RYR3: variants seen among roughly 807,000 people sequenced by gnomAD.
The protein encoded by RYR3 is brain ryanodine receptor-calcium release channel.
A neutral mutation model predicts 584.3 loss-of-function variants in RYR3; 207 were observed. That is an observed-to-expected ratio of 0.35 (90% CI 0.32 to 0.40). The LOEUF is 0.40. RYR3 is among the 10% of genes least tolerant of loss of function. RYR3 has a pLI of 1.00. For missense variants in RYR3, 5,616 were observed against 6,089.2 expected, an observed-to-expected ratio of 0.92 and a Z score of 2.59; for synonymous variants, 2,416 against 2,248.5, an observed-to-expected ratio of 1.07 and a Z score of -2.11.
At chr15:33,398,992 C>T (rs2042464533) in intron 1 of RYR3, among the ~76,000 whole-genome samples, 2 of 152,162 alleles carry the variant, frequency 1.3e-5, no homozygotes, top group African/African-American at 4.8e-5. Flanking sequence ...TTTCCTCAAA[C>T]TGTACCATTA....
intron 16 of RYR3, among the ~76,000 whole-genome samples, chr15:33,593,326 A>G (rs1233113163): frequency 1.3e-5 from 2 of 152,196 alleles, no homozygotes; most frequent in African/African-American, 2.4e-5. Flanking sequence ...CTCAAGTTTC[A>G]TCTGATCTCT....
At chr15:33,396,794 G>A (rs1421961877) in intron 1 of RYR3, among the ~76,000 whole-genome samples, 3 of 152,094 alleles carry the variant, frequency 2.0e-5, no homozygotes, top group African/African-American at 7.2e-5. Context: ...CCAGGTCTAG[G>A]GAGATTTTTA....
intron 1 of RYR3, among the ~76,000 whole-genome samples, chr15:33,417,892 A>G (rs1397152433): frequency 6.6e-6 from 1 of 152,002 alleles, no homozygotes; most frequent in African/African-American, 2.4e-5. Flanking sequence ...TTTTATCATG[A>G]TGTTGGATTT....
intron 3 of RYR3, among the ~76,000 whole-genome samples, chr15:33,526,904 GAATTCTCTCAT>G (rs2054437191): frequency 6.6e-6 from 1 of 152,196 alleles, no homozygotes; most frequent in Non-Finnish European, 1.5e-5. Flanking sequence ...GACCAGAGAA[GAATTCTCTCAT>G]AAGATGTTTG....
At chr15:33,392,730 T>C (rs1339032146) in intron 1 of RYR3, among the ~76,000 whole-genome samples, 1 of 152,148 alleles carries the variant, frequency 6.6e-6, no homozygotes, top group East Asian at 1.9e-4. Context: ...GATCCGACAC[T>C]ACTGGAATGG....
intron 1 of RYR3, among the ~76,000 whole-genome samples, chr15:33,466,018 G>T (rs1596266272): frequency 6.6e-6 from 1 of 152,264 alleles, no homozygotes; most frequent in East Asian, 1.9e-4. Context: ...ATCTGATTTT[G>T]GATATAGTAA....
intron 38 of RYR3, among the ~76,000 whole-genome samples, chr15:33,674,886 T>C (rs1204760570): frequency 7.2e-6 from 1 of 138,568 alleles, no homozygotes; most frequent in Non-Finnish European, 1.6e-5. Context: ...GGCTGAATTA[T>C]AAAAAGAATA....
intron 2 of RYR3, among the ~76,000 whole-genome samples, chr15:33,494,787 T>C (rs1011869492): frequency 6.6e-6 from 1 of 152,254 alleles, no homozygotes; most frequent in African/African-American, 2.4e-5. Flanking sequence ...TCTATAGTTT[T>C]CTTCAGAAGA....
chr15:33,545,414 G>C lies in RYR3; in HGVS notation c.740+1699G>C, dbSNP rs114951641. Among the ~76,000 whole-genome samples, 462 of 152,164 alleles carry C rather than the reference G, an allele frequency of 3.0e-3. 1 individual carries two copies. Among genetic ancestry groups the C allele is most frequent in the African/African-American group, 0.011 (451 of 41,516 alleles). ...TTTTCACAATAGGCACACTGGAGCAGACATGCATGCCATCATTTAAATAAA... is the reference window on the plus strand; with the variant it reads ...TTTTCACAATAGGCACACTGGAGCACACATGCATGCCATCATTTAAATAAA... On this transcript the variant is annotated intron_variant, in intron 8 of 103. Transcript: ENST00000634891.
intron 43 of RYR3, among the ~76,000 whole-genome samples, chr15:33,708,361 A>G (rs1308553626): frequency 6.6e-6 from 1 of 152,184 alleles, no homozygotes; most frequent in Non-Finnish European, 1.5e-5. Context: ...AGTCAAGATC[A>G]AGAGCTTTTT....
intron 1 of RYR3, among the ~76,000 whole-genome samples, chr15:33,452,687 C>CA (rs1360732851): frequency 7.0e-6 from 1 of 141,944 alleles, no homozygotes; most frequent in East Asian, 2.1e-4. Flanking sequence ...ATTTCACAGC[C>CA]AAAAAAATTG....
chr15:33,655,598 A>C (rs182136495), intron 32 of RYR3, among the ~76,000 whole-genome samples: 1 of 151,936 alleles, frequency 6.6e-6, no homozygotes, highest in African/African-American at 2.4e-5. Context: ...CTGGTACCCT[A>C]CCTCCTGGAG....
At chr15:33,418,498 T>C (rs2043990803) in intron 1 of RYR3, among the ~76,000 whole-genome samples, 2 of 152,026 alleles carry the variant, frequency 1.3e-5, no homozygotes, top group South Asian at 2.1e-4. Flanking sequence ...ATGGAAGAGC[T>C]GGACAGAGTG....
intron 60 of RYR3, among the ~76,000 whole-genome samples, chr15:33,759,965 G>A (rs1392143036): frequency 6.6e-6 from 1 of 152,200 alleles, no homozygotes; most frequent in Non-Finnish European, 1.5e-5. Context: ...CTATAAGCCA[G>A]AAGAGGGTGG....
At chr15:33,393,789 G>T (rs1447916737) in intron 1 of RYR3, among the ~76,000 whole-genome samples, 1 of 152,226 alleles carries the variant, frequency 6.6e-6, no homozygotes, top group South Asian at 2.1e-4. Flanking sequence ...TGGACCCTTG[G>T]GCTGCAACAT....
intron 45 of RYR3, among the ~76,000 whole-genome samples, chr15:33,725,214 C>T (rs2068294286): frequency 6.7e-6 from 1 of 148,928 alleles, no homozygotes; most frequent in South Asian, 2.1e-4. Flanking sequence ...TATATACATC[C>T]CTTCTTAGGA....
chr15:33,346,091 T>C (rs901981570), intron 1 of RYR3, among the ~76,000 whole-genome samples: 8 of 152,240 alleles, frequency 5.3e-5, no homozygotes, highest in Non-Finnish European at 8.8e-5. Context: ...TTTTTTCCTA[T>C]TTTTAAAACA....
intron 43 of RYR3, among the ~76,000 whole-genome samples, chr15:33,708,855 C>A (rs559735496): frequency 6.6e-6 from 1 of 152,244 alleles, no homozygotes; most frequent in South Asian, 2.1e-4. Context: ...GCTGCTGTGT[C>A]GTTCCCCTAT....
intron 65 of RYR3, among the ~76,000 whole-genome samples, chr15:33,780,717 GTAATAACCCAGTTATACTC>G (rs925865240): frequency 6.6e-6 from 1 of 152,188 alleles, no homozygotes; most frequent in African/African-American, 2.4e-5. Flanking sequence ...CACATCCACA[GTAATAACCCAGTTATACTC>G]TTCAAGTCCA....
Sources: allele counts gnomAD v4.1 joint callset (sites outside exome capture counted in the v4.1 genomes callset), GRCh38; gene constraint gnomAD v4.1.1; transcripts MANE v1.5; gene names NCBI Gene and HGNC (gene_info 2026-07-23, HGNC 2026-07-21).